PTPRD: variants seen among roughly 807,000 people sequenced by gnomAD.
PTPRD encodes protein tyrosine phosphatase receptor type D.
Under a neutral mutation model 214.5 loss-of-function variants are expected in PTPRD, and 34 were observed. The observed-to-expected ratio is 0.16, with a 90% CI of 0.12 to 0.21. The LOEUF (loss-of-function observed/expected upper bound fraction) is 0.21, where lower values mean the gene tolerates loss of function less well. PTPRD is among the 10% of genes least tolerant of loss of function. The pLI, the probability that PTPRD is intolerant of heterozygous loss-of-function variation, is 1.00. For synonymous variants in PTPRD, 1,128 were observed against 845.7 expected, an observed-to-expected ratio of 1.33 and a Z score of -5.79; for missense variants, 2,545 against 2,398.7, an observed-to-expected ratio of 1.06 and a Z score of -1.27.
At chr9:8,957,319 C>CTTAG (rs1262959368) in intron 11 of PTPRD, among the ~76,000 whole-genome samples, 1 of 151,840 alleles carries the variant, frequency 6.6e-6, no homozygotes, top group East Asian at 1.9e-4. Flanking sequence ...TGTAATCTGG[C>CTTAG]TTAGAGTTTC....
At chr9:8,621,364 A>G (rs1055864816) in intron 14 of PTPRD, among the ~76,000 whole-genome samples, 5 of 151,952 alleles carry the variant, frequency 3.3e-5, no homozygotes, top group African/African-American at 1.2e-4. Flanking sequence ...TTTCACCATT[A>G]TGCGGTAAAG....
chr9:9,897,055 C>T (rs2075170051), intron 5 of PTPRD, among the ~76,000 whole-genome samples: 1 of 151,802 alleles, frequency 6.6e-6, no homozygotes, highest in Non-Finnish European at 1.5e-5. Flanking sequence ...TGCCATATAT[C>T]ACAAGAATTT....
intron 11 of PTPRD, among the ~76,000 whole-genome samples, chr9:8,870,261 TCAAA>T (rs2098272643): frequency 2.0e-5 from 3 of 151,602 alleles, no homozygotes; most frequent in Middle Eastern, 3.2e-3. Context: ...AAAAAGACAG[TCAAA>T]CAGACCCCTC....
chr9:9,083,438 A>G (rs539982093), intron 10 of PTPRD, among the ~76,000 whole-genome samples: 43 of 152,316 alleles, frequency 2.8e-4, no homozygotes, highest in African/African-American at 8.4e-4. Context: ...AAGACCCCAT[A>G]CTATAAATCT....
At chr9:10,528,455 T>A (rs1028446940) in intron 2 of PTPRD, among the ~76,000 whole-genome samples, 3 of 152,136 alleles carry the variant, frequency 2.0e-5, no homozygotes, top group African/African-American at 7.2e-5. Flanking sequence ...CCACCTTCAT[T>A]ATAGAACCTG....
intron 3 of PTPRD, among the ~76,000 whole-genome samples, chr9:10,236,660 G>A (rs1394710712): frequency 6.6e-6 from 1 of 151,822 alleles, no homozygotes. Context: ...CCTGGAAACT[G>A]TAGGCATTTA....
At chr9:10,291,152 A>G (rs566542003) in intron 3 of PTPRD, among the ~76,000 whole-genome samples, 1 of 152,116 alleles carries the variant, frequency 6.6e-6, no homozygotes, top group East Asian at 1.9e-4. Context: ...TCAGTGATAA[A>G]TAGAGACTCA....
At chr9:10,055,355 A>C (rs866777959) in intron 3 of PTPRD, among the ~76,000 whole-genome samples, 1 of 152,154 alleles carries the variant, frequency 6.6e-6, no homozygotes, top group Non-Finnish European at 1.5e-5. Context: ...GTTACTATCC[A>C]TTGAATACTT....
intron 10 of PTPRD, among the ~76,000 whole-genome samples, chr9:9,135,163 T>A (rs530077851): frequency 2.0e-5 from 3 of 152,242 alleles, no homozygotes; most frequent in South Asian, 4.1e-4. Flanking sequence ...TATCATATTT[T>A]GCCTCAATTT....
chr9:10,510,642 G>A (rs551924183), intron 2 of PTPRD, among the ~76,000 whole-genome samples: 2 of 152,192 alleles, frequency 1.3e-5, no homozygotes, highest in South Asian at 2.1e-4. Context: ...AGCATGCAAG[G>A]TGTAATGATC....
intron 2 of PTPRD, among the ~76,000 whole-genome samples, chr9:10,415,080 C>T (rs2098474318): frequency 6.6e-6 from 1 of 151,494 alleles, no homozygotes; most frequent in Non-Finnish European, 1.5e-5. Flanking sequence ...ATATACCCTT[C>T]AACTTAAAAT....
chr9:8,806,399 A>C (rs997076129), intron 11 of PTPRD, among the ~76,000 whole-genome samples: 1 of 152,128 alleles, frequency 6.6e-6, no homozygotes, highest in African/African-American at 2.4e-5. Flanking sequence ...TAATTTTTTG[A>C]AAAAAACACA....
chr9:9,939,789 G>A (rs1297360423), intron 4 of PTPRD, among the ~76,000 whole-genome samples: 2 of 152,078 alleles, frequency 1.3e-5, no homozygotes, highest in African/African-American at 2.4e-5. Context: ...TTTTTTCTAT[G>A]CAGTACGATG....
At chr9:9,441,175 G>C (rs529511994) in intron 8 of PTPRD, among the ~76,000 whole-genome samples, 1 of 152,232 alleles carries the variant, frequency 6.6e-6, no homozygotes, top group East Asian at 1.9e-4. Context: ...GCTATCAACT[G>C]AGCACTACCT....
intron 2 of PTPRD, among the ~76,000 whole-genome samples, chr9:10,362,096 T>A (rs1290965787): frequency 6.6e-6 from 1 of 152,178 alleles, no homozygotes; most frequent in Non-Finnish European, 1.5e-5. Context: ...ACTAATGAGA[T>A]GCTTCAGGAT....
intron 7 of PTPRD, among the ~76,000 whole-genome samples, chr9:9,722,259 T>C (rs1217832296): frequency 1.3e-5 from 2 of 152,070 alleles, no homozygotes; most frequent in East Asian, 3.9e-4. Flanking sequence ...TCCTCAGCTC[T>C]TGGCAACCAA....
chr9:10,128,152 T>A (rs571769633), intron 3 of PTPRD, among the ~76,000 whole-genome samples: 1 of 152,248 alleles, frequency 6.6e-6, no homozygotes, highest in African/African-American at 2.4e-5. Flanking sequence ...CCCTTCCACA[T>A]GAGTCCTTTG....
At chr9:8,983,992 A>C (rs2099327221) in intron 11 of PTPRD, among the ~76,000 whole-genome samples, 1 of 152,142 alleles carries the variant, frequency 6.6e-6, no homozygotes, top group Non-Finnish European at 1.5e-5. Flanking sequence ...TGAACTTCTT[A>C]CACTGCAAAT....
intron 2 of PTPRD, among the ~76,000 whole-genome samples, chr9:10,402,937 C>T (rs1473823874): frequency 6.6e-6 from 1 of 151,400 alleles, no homozygotes; most frequent in Non-Finnish European, 1.5e-5. Flanking sequence ...AATTGGTGTG[C>T]TTCTTTCGCT....
Sources: allele counts gnomAD v4.1 joint callset (sites outside exome capture counted in the v4.1 genomes callset), GRCh38; gene constraint gnomAD v4.1.1; transcripts MANE v1.5; gene names NCBI Gene and HGNC (gene_info 2026-07-23, HGNC 2026-07-21).